CPNE4: variants seen among roughly 807,000 people sequenced by gnomAD.
CPNE4 encodes the protein copine 4, also known as copine-4.
A neutral mutation model predicts 67.9 loss-of-function variants in CPNE4; 25 were observed. The ratio of observed to expected loss-of-function variants is 0.37; its 90% CI spans 0.27 to 0.51. The LOEUF (loss-of-function observed/expected upper bound fraction) is 0.51. Among genes scored for constraint, CPNE4 ranks in the 20% least tolerant of loss-of-function variants. The probability of loss-of-function intolerance (pLI) is 0.93; values close to 1 mark genes in which losing one functional copy is unlikely to be tolerated. For synonymous variants in CPNE4, 242 were observed against 244.9 expected (o/e 0.99, Z 0.11); for missense variants, 464 against 690.8 (o/e 0.67, Z 3.68).
chr3:131,948,503 A>G (rs1478998673), intron 1 of CPNE4, among the ~76,000 whole-genome samples: 1 of 152,210 alleles, frequency 6.6e-6, no homozygotes, highest in East Asian at 1.9e-4. Context: ...TAGCAGTGTG[A>G]AAACGGACTA....
At chr3:131,895,681 A>T (rs921318604) in intron 2 of CPNE4, among the ~76,000 whole-genome samples, 1 of 152,116 alleles carries the variant, frequency 6.6e-6, no homozygotes, top group African/African-American at 2.4e-5. Flanking sequence ...ATGCATTTTG[A>T]TATATTTTAT....
At position 132,034,747 on chromosome 3, in the gene CPNE4, G is replaced by C. The variant is rs1215410169; in HGVS notation, c.-182C>G. 1 of 985,248 alleles carries C rather than the reference G, an allele frequency of 1.0e-6. No individual in the cohort carries two copies. Among genetic ancestry groups the C allele is most frequent in the Non-Finnish European group, 1.2e-6 (1 of 830,030 alleles). 61.0% of individuals were successfully genotyped at this position (985,248 alleles called of 1,614,324 possible). Reference sequence around the variant, plus strand: ...CTCCGAGGTCAGTTTAGCAACAGCGGCTGGGAAAGGTGCTGAGAGCAGAGT... The same window carrying C: ...CTCCGAGGTCAGTTTAGCAACAGCGCCTGGGAAAGGTGCTGAGAGCAGAGT... On this transcript the variant is annotated 5_prime_UTR_variant, in exon 1 of 16. Transcript: ENST00000429747.
At chr3:131,780,876 T>G (rs556438605) in intron 2 of CPNE4, among the ~76,000 whole-genome samples, 10 of 151,818 alleles carry the variant, frequency 6.6e-5, no homozygotes, top group Non-Finnish European at 1.0e-4. Flanking sequence ...AAGGGCAAAC[T>G]GGAAAAGCTA....
intron 2 of CPNE4, among the ~76,000 whole-genome samples, chr3:131,885,875 G>A (rs1309616269): frequency 3.3e-5 from 5 of 152,184 alleles, no homozygotes; most frequent in Admixed American, 2.0e-4. Context: ...AAAAGGTGAC[G>A]TAGGTGCTAT....
chr3:131,841,350 T>C (rs1221350510), intron 2 of CPNE4, among the ~76,000 whole-genome samples: 2 of 152,160 alleles, frequency 1.3e-5, no homozygotes, highest in African/African-American at 2.4e-5. Flanking sequence ...TAAGCATGCA[T>C]AGAAATCATC....
Position 131,581,571 on chromosome 3 carries a change from G to A in CPNE4, c.867+8C>T. On this transcript the variant is annotated splice_region_variant and intron_variant, in intron 9 of 15. Transcript: ENST00000429747. Reference sequence around the variant, plus strand: ...TCATACTCCTGGAAGAGAGGGTTGTGTACATACCTTGCACAGATTCAGAAT... The same window carrying A: ...TCATACTCCTGGAAGAGAGGGTTGTATACATACCTTGCACAGATTCAGAAT... 1.3e-6 allele frequency: 2 copies of A among 1,594,550 alleles called. No homozygotes were observed. Among genetic ancestry groups the A allele is most frequent in the Non-Finnish European group, 8.6e-7 (1 of 1,162,126 alleles).
At chr3:132,026,950 G>C (rs955660281) in intron 1 of CPNE4, among the ~76,000 whole-genome samples, 1 of 152,172 alleles carries the variant, frequency 6.6e-6, no homozygotes, top group Non-Finnish European at 1.5e-5. Context: ...AACTAAGTAT[G>C]CTTACTTTTA....
At chr3:131,859,529 TG>T (rs1227062282) in intron 2 of CPNE4, among the ~76,000 whole-genome samples, 1 of 152,078 alleles carries the variant, frequency 6.6e-6, no homozygotes, top group Non-Finnish European at 1.5e-5. Context: ...TGAGAGTGGG[TG>T]GTGAGTCAGA....
chr3:131,644,993 C>T (rs1470622116), intron 7 of CPNE4, among the ~76,000 whole-genome samples: 1 of 152,154 alleles, frequency 6.6e-6, no homozygotes, highest in African/African-American at 2.4e-5. Flanking sequence ...TTCTGATGAA[C>T]TGGAACTAGG....
At chr3:131,808,516 A>G (rs2084406068) in intron 2 of CPNE4, among the ~76,000 whole-genome samples, 1 of 142,110 alleles carries the variant, frequency 7.0e-6, no homozygotes, top group Non-Finnish European at 1.6e-5. Flanking sequence ...CTAAAACTCA[A>G]AGAGAAAAAA....
At chr3:131,624,907 C>T (rs2079032310) in intron 7 of CPNE4, among the ~76,000 whole-genome samples, 2 of 152,218 alleles carry the variant, frequency 1.3e-5, no homozygotes, top group Admixed American at 1.3e-4. Flanking sequence ...CAGAACTGCA[C>T]TTCTCATGCA....
intron 2 of CPNE4, among the ~76,000 whole-genome samples, chr3:131,809,503 T>C (rs1325682252): frequency 2.0e-5 from 3 of 151,318 alleles, no homozygotes; most frequent in East Asian, 1.9e-4. Flanking sequence ...AGAAAGTGAA[T>C]ACCCCTTCCC....
At chr3:132,010,152 A>C (rs2073717171) in intron 1 of CPNE4, among the ~76,000 whole-genome samples, 1 of 152,198 alleles carries the variant, frequency 6.6e-6, no homozygotes, top group Non-Finnish European at 1.5e-5. Context: ...TTCTAGCTCT[A>C]TGGCCTTGGG....
At chr3:131,883,771 A>G (rs376776138) in intron 2 of CPNE4, among the ~76,000 whole-genome samples, 10 of 152,278 alleles carry the variant, frequency 6.6e-5, no homozygotes, top group African/African-American at 2.4e-4. Flanking sequence ...TAAATGCACA[A>G]TACAGTATTG....
At chr3:131,963,944 C>T (rs1035210527) in intron 1 of CPNE4, among the ~76,000 whole-genome samples, 2 of 152,116 alleles carry the variant, frequency 1.3e-5, no homozygotes, top group Admixed American at 1.3e-4. Flanking sequence ...TATCTCCTAG[C>T]AGGGGTTGAC....
At chr3:131,902,843 C>A (rs2088604330) in intron 2 of CPNE4, among the ~76,000 whole-genome samples, 1 of 151,800 alleles carries the variant, frequency 6.6e-6, no homozygotes, top group South Asian at 2.1e-4. Context: ...ATGAGACTAA[C>A]AAAGTCAATG....
chr3:131,581,508 C>T, intron 9 of CPNE4, 71 bp downstream of exon 9: 1 of 998,040 alleles, frequency 1.0e-6, no homozygotes, highest in Non-Finnish European at 1.6e-6. Flanking sequence ...TTCCTCTGAC[C>T]ACACCACCTG....
intron 6 of CPNE4, among the ~76,000 whole-genome samples, chr3:131,677,064 G>T (rs1156402747): frequency 6.6e-6 from 1 of 150,406 alleles, no homozygotes; most frequent in Admixed American, 6.6e-5. Context: ...ACTTTTTATA[G>T]TAGCCATTCT....
intron 1 of CPNE4, among the ~76,000 whole-genome samples, chr3:131,935,551 G>A (rs1164976448): frequency 1.3e-5 from 2 of 152,080 alleles, no homozygotes; most frequent in African/African-American, 2.4e-5. Flanking sequence ...TGTGAGGCCC[G>A]AGTCCTTTTT....
Sources: allele counts gnomAD v4.1 joint callset (sites outside exome capture counted in the v4.1 genomes callset), GRCh38; gene constraint gnomAD v4.1.1; transcripts MANE v1.5; gene names NCBI Gene and HGNC (gene_info 2026-07-23, HGNC 2026-07-21).